CCDC33: variants seen among roughly 807,000 people sequenced by gnomAD.
CCDC33 encodes coiled-coil domain-containing protein 33.
A neutral mutation model predicts 91.9 loss-of-function variants in CCDC33; 94 were observed. The ratio of observed to expected loss-of-function variants is 1.02; its 90% CI spans 0.87 to 1.21. CCDC33 has a LOEUF of 1.21. CCDC33 is among the 50% of genes most tolerant of loss of function. The probability of loss-of-function intolerance (pLI) is 0.00; values close to 1 mark genes in which losing one functional copy is unlikely to be tolerated. For synonymous variants in CCDC33, 396 were observed against 374.5 expected, an observed-to-expected ratio of 1.06 and a Z score of -0.66; for missense variants, 940 against 935.5, an observed-to-expected ratio of 1.00 and a Z score of -0.06.
At chr15:74,207,674 G>A (rs574934800) in intron 1 of CCDC33, 5 of 1,530,278 alleles carry the variant, frequency 3.3e-6, no homozygotes, top group Non-Finnish European at 4.4e-6. Context: ...TTCCAGGAGT[G>A]GGGGGATGGC....
chr15:74,208,154 C>G, intron 1 of CCDC33: 1 of 791,588 alleles, frequency 1.3e-6, no homozygotes, highest in Non-Finnish European at 1.6e-6. Context: ...CTTTCCCTCC[C>G]AGAGGGCTAG....
At chr15:74,322,378 GGCAGCAAGGAATTA>G (rs1010829733) in intron 11 of CCDC33, among the ~76,000 whole-genome samples, 3 of 152,136 alleles carry the variant, frequency 2.0e-5, no homozygotes, top group African/African-American at 7.2e-5. Context: ...ACAGTCTCAG[GGCAGCAAGGAATTA>G]GCAGCTAGCA....
chr15:74,334,648 T>C (rs775526232), intron 17 of CCDC33, among the ~76,000 whole-genome samples: 1 of 143,228 alleles, frequency 7.0e-6, no homozygotes, highest in Non-Finnish European at 1.5e-5. Flanking sequence ...TGACCAGGGT[T>C]AGGGTTCAGT....
chr15:74,240,612 G>T (rs115893318), intron 1 of CCDC33, among the ~76,000 whole-genome samples: 1,528 of 151,862 alleles, frequency 0.01, 24 homozygotes, highest in African/African-American at 0.035. Context: ...TCTTTTTTTT[G>T]TTGTTGTTGT....
chr15:74,320,249 C>G (rs1324708286), intron 11 of CCDC33, among the ~76,000 whole-genome samples: 4 of 152,180 alleles, frequency 2.6e-5, no homozygotes, highest in Non-Finnish European at 5.9e-5. Context: ...CCAGACAGAC[C>G]TGTGTACTTT....
intron 2 of CCDC33, among the ~76,000 whole-genome samples, chr15:74,228,594 G>A (rs75234883): frequency 0.06 from 9,075 of 152,306 alleles, 320 homozygotes; most frequent in East Asian, 0.11. Context: ...GGGCCATGGG[G>A]CCCCCACTCC....
Position 74,332,744 on chromosome 15 carries a change from C to G in CCDC33, c.1837C>G (p.Leu613Val), listed in dbSNP as rs1293330479. Residue 613 changes from leucine to valine, a missense_variant, in exon 16 of 19, where the codon CTT (leucine) becomes GTT (valine). By Grantham distance (32) the Leu-to-Val change is conservative. Coordinates refer to ENST00000398814, the MANE Select transcript of CCDC33 (RefSeq NM_025055.5). Reference sequence around the variant, plus strand: ...TATGGGAGAGAACCTGCCGGTTGAACTTTACTCGGTGCTGCTGGCAGAAAA... The same window carrying G: ...TATGGGAGAGAACCTGCCGGTTGAAGTTTACTCGGTGCTGCTGGCAGAAAA... Reference protein sequence around the residue: ...GSMGENLPVELYSVLLAENAK... With the variant: ...GSMGENLPVEVYSVLLAENAK... 3.1e-6 allele frequency: 5 copies of G among 1,614,108 alleles called. No homozygotes were observed. Among genetic ancestry groups the G allele is most frequent in the South Asian group, 1.1e-5 (1 of 91,092 alleles).
intron 11 of CCDC33, among the ~76,000 whole-genome samples, chr15:74,315,423 A>C (rs1448731163): frequency 1.3e-5 from 2 of 152,198 alleles, no homozygotes; most frequent in Non-Finnish European, 2.9e-5. Flanking sequence ...AGACTCTGGA[A>C]CCAGCTCACC....
At position 74,236,511 on chromosome 15, in the gene CCDC33, CACCCT is replaced by C. The variant is rs2075161630; in HGVS notation, c.-208_-204del. ...GATCCAGGACCTGCTCCCACCTGGC[CACCCT>C]CCCCCTCCCCCCACATCCAGGCCCC... On this transcript the variant is annotated 5_prime_UTR_variant, in exon 1 of 19. Transcript: ENST00000398814. 5 of 388,706 alleles carry C rather than the reference CACCCT, an allele frequency of 1.3e-5. No homozygotes were observed. Among genetic ancestry groups the C allele is most frequent in the Non-Finnish European group, 1.4e-5 (3 of 210,106 alleles). The allele number at this position is 388,706 out of a possible 1,614,324, so 24.1% of individuals were successfully genotyped here.
chr15:74,250,917 A>G lies in CCDC33; in HGVS notation c.185+6769A>G, dbSNP rs115444310. Among the ~76,000 whole-genome samples, 258 of 152,294 alleles carry G rather than the reference A, an allele frequency of 1.7e-3. 2 individuals carry two copies. The highest frequency in any genetic ancestry group is 6.0e-3 in the African/African-American group (248 of 41,550). ...TGAGATGCTGCGGGTCTAAAGCTCT[A>G]CAGGGGGAAGGGGGAGTCCTGAGCA... is the stretch of plus-strand genomic sequence containing the variant. On this transcript the variant is annotated intron_variant, in intron 2 of 18. Coordinates refer to ENST00000398814, the MANE Select transcript of CCDC33 (RefSeq NM_025055.5).
intron 7 of CCDC33, among the ~76,000 whole-genome samples, chr15:74,276,483 G>T (rs2076453221): frequency 6.6e-6 from 1 of 152,134 alleles, no homozygotes. Context: ...CCCACAGCTG[G>T]CCTGTCCCCA....
chr15:74,255,442 G>A (rs968919002), intron 2 of CCDC33, among the ~76,000 whole-genome samples: 3 of 152,226 alleles, frequency 2.0e-5, no homozygotes, highest in Admixed American at 6.5e-5. Flanking sequence ...AGGGCAGGCT[G>A]TGGCCTACCC....
chr15:74,305,059 G>A (rs2059868816), intron 11 of CCDC33, among the ~76,000 whole-genome samples: 1 of 151,850 alleles, frequency 6.6e-6, no homozygotes, highest in Admixed American at 6.6e-5. Context: ...TGATTCTTCT[G>A]TTTCAGCCTC....
chr15:74,330,848 G>C, intron 13 of CCDC33, 97 bp downstream of exon 13: 1 of 1,507,050 alleles, frequency 6.6e-7, no homozygotes, highest in Non-Finnish European at 9.1e-7. Flanking sequence ...CAGGCACAGA[G>C]GGAATGGAAG....
intron 2 of CCDC33, 147 bp from the exon 3 acceptor site, chr15:74,262,293 G>C (rs192058509): frequency 9.6e-7 from 1 of 1,044,622 alleles, no homozygotes; most frequent in Non-Finnish European, 1.4e-6. Context: ...GGAGAGGCCT[G>C]GGATGACACA....
chr15:74,256,197 C>T (rs1309862777), intron 2 of CCDC33, among the ~76,000 whole-genome samples: 1 of 152,150 alleles, frequency 6.6e-6, no homozygotes, highest in Non-Finnish European at 1.5e-5. Context: ...AGGCTCCAGT[C>T]GCCAGCACTA....
In CCDC33 at chr15:74,236,545, GC is replaced by G; in HGVS notation, c.-174del. The G allele has an allele frequency of 2.2e-6, 1 of 457,824 alleles. No individual in the cohort carries two copies. 28.4% of individuals were successfully genotyped at this position (457,824 alleles called of 1,614,324 possible). On this transcript the variant is annotated 5_prime_UTR_variant, in exon 1 of 19. Coordinates refer to ENST00000398814, the MANE Select transcript of CCDC33 (RefSeq NM_025055.5). ...CCTCCCCCCACATCCAGGCCCCAGG[GC>G]TGGTGTGTGGCACCCCTGAGACCAC... is the stretch of plus-strand genomic sequence containing the variant.
At chr15:74,290,094 T>C (rs2059557515) in intron 10 of CCDC33, among the ~76,000 whole-genome samples, 1 of 152,180 alleles carries the variant, frequency 6.6e-6, no homozygotes, top group Admixed American at 6.5e-5. Flanking sequence ...CACCTTAGTA[T>C]AGACCTCCCT....
chr15:74,295,710 A>G, intron 10 of CCDC33, 44 bp from the exon 11 acceptor site: 1 of 1,528,242 alleles, frequency 6.5e-7, no homozygotes, highest in South Asian at 1.2e-5. Context: ...ATGGGCACAG[A>G]GAAGGGGCCT....
Sources: allele counts gnomAD v4.1 joint callset (sites outside exome capture counted in the v4.1 genomes callset), GRCh38; gene constraint gnomAD v4.1.1; transcripts MANE v1.5; gene names NCBI Gene and HGNC (gene_info 2026-07-23, HGNC 2026-07-21).